MTAP: variants seen among roughly 807,000 people sequenced by gnomAD.
MTAP encodes methylthioadenosine phosphorylase.
A neutral mutation model predicts 33.6 loss-of-function variants in MTAP; 33 were observed. The ratio of observed to expected loss-of-function variants is 0.98; its 90% CI spans 0.74 to 1.31. The LOEUF is 1.31. MTAP is among the 40% of genes most tolerant of loss of function. The pLI, the probability that MTAP is intolerant of heterozygous loss-of-function variation, is 0.00. For synonymous variants in MTAP, 148 were observed against 125.7 expected (o/e 1.18, Z -1.19); for missense variants, 367 against 360.0 (o/e 1.02, Z -0.16).
intron 1 of MTAP, chr9:21,930,362 C>CAATCAGTTT (rs988284440): frequency 2.2e-4 from 46 of 205,490 alleles, no homozygotes; most frequent in Admixed American, 3.8e-4. Context: ...TGTTTGTGGC[C>CAATCAGTTT]AATCAGTTTA....
chr9:21,859,129 T>C, intron 6 of MTAP, 174 bp from the exon 7 acceptor site: 1 of 776,712 alleles, frequency 1.3e-6, no homozygotes. Flanking sequence ...ATGACCTAAT[T>C]GCCTCCCAAA....
chr9:21,839,609 G>A (rs1825193931), intron 5 of MTAP, among the ~76,000 whole-genome samples: 1 of 152,130 alleles, frequency 6.6e-6, no homozygotes, highest in South Asian at 2.1e-4. Context: ...TACTGGGAAA[G>A]GCAATTTAAG....
intron 1 of MTAP, among the ~76,000 whole-genome samples, chr9:21,809,229 C>G (rs1209240907): frequency 1.3e-5 from 2 of 152,096 alleles, no homozygotes; most frequent in African/African-American, 4.8e-5. Flanking sequence ...TCTCAAGATC[C>G]TGGATTTAAT....
At chr9:21,827,166 G>A (rs962144934) in intron 4 of MTAP, among the ~76,000 whole-genome samples, 1 of 152,184 alleles carries the variant, frequency 6.6e-6, no homozygotes, top group Non-Finnish European at 1.5e-5. Flanking sequence ...TGCTCTGGGT[G>A]AAGACAGGAG....
chr9:21,876,923 G>T (rs935209596), intron 1 of MTAP, among the ~76,000 whole-genome samples: 1 of 152,054 alleles, frequency 6.6e-6, no homozygotes, highest in Non-Finnish European at 1.5e-5. Context: ...GATAGGAATA[G>T]CATTCGACCT....
chr9:21,874,794 A>T (rs1825982232), intron 1 of MTAP, among the ~76,000 whole-genome samples: 1 of 151,482 alleles, frequency 6.6e-6, no homozygotes, highest in Admixed American at 6.6e-5. Context: ...GTTTGCTGTA[A>T]CCATCAACCC....
rs929271025 is a variant in MTAP at position 21,841,941 on chromosome 9, G to T, written c.450+3931G>T. On this transcript the variant is annotated intron_variant, in intron 5 of 7. Coordinates refer to ENST00000644715, the MANE Select transcript of MTAP (RefSeq NM_002451.4). The stretch of plus-strand genomic sequence containing the variant: ...CAAACCAAGAGGAAATCTCTGAATT[G>T]CCAGATAAGGAATTCAGAAGATTGG... 2.6e-5 allele frequency among the ~76,000 whole-genome samples: 4 copies of T among 152,288 alleles called. No individual in the cohort carries two copies. The East Asian group carries it at 7.7e-4, about 29-fold the overall frequency.
intron 1 of MTAP, among the ~76,000 whole-genome samples, chr9:21,883,263 CA>C (rs1818046733): frequency 6.6e-6 from 1 of 151,984 alleles, no homozygotes; most frequent in Non-Finnish European, 1.5e-5. Flanking sequence ...CATGGTGAAT[CA>C]CTATATGAAT....
rs187237788 is a variant in MTAP at position 21,897,094 on chromosome 9, G to A, written c.148-33914G>A. Among the ~76,000 whole-genome samples, 616 of 152,208 alleles carry A rather than the reference G, an allele frequency of 4.0e-3. 3 individuals are homozygous for A. Among genetic ancestry groups the A allele is most frequent in the Admixed American group, 7.6e-3 (116 of 15,294 alleles). The stretch of plus-strand genomic sequence containing the variant: ...GTTCAACATATGCAAATCAATAAAC[G>A]TAATCCATTATATAAACAGAACCAA... On this transcript the variant is annotated intron_variant, in intron 1 of 1. Coordinates refer to the MTAP transcript ENST00000577563.
chr9:21,816,401 C>T (rs1019228297), intron 2 of MTAP, among the ~76,000 whole-genome samples: 1 of 152,074 alleles, frequency 6.6e-6, no homozygotes, highest in Non-Finnish European at 1.5e-5. Flanking sequence ...TCAAACCTGC[C>T]CAATAACCTT....
intron 6 of MTAP, chr9:21,856,166 TGCA>T: frequency 1.0e-6 from 1 of 985,436 alleles, no homozygotes; most frequent in Non-Finnish European, 1.2e-6. Flanking sequence ...ACGACAAAAC[TGCA>T]GTCACTTTTG....
chr9:21,882,233 A>C (rs1317668721), intron 1 of MTAP, among the ~76,000 whole-genome samples: 25 of 151,948 alleles, frequency 1.6e-4, no homozygotes. Flanking sequence ...AACAACTGTA[A>C]AGGAAGGAAA....
intron 6 of MTAP, among the ~76,000 whole-genome samples, chr9:21,857,200 C>CAA: frequency 6.6e-6 from 1 of 152,104 alleles, no homozygotes; most frequent in Non-Finnish European, 1.5e-5. Flanking sequence ...GAAGGGAGGT[C>CAA]AGTGTCTATA....
At chr9:21,827,682 A>G (rs768077957) in intron 4 of MTAP, among the ~76,000 whole-genome samples, 31 of 152,314 alleles carry the variant, frequency 2.0e-4, no homozygotes, top group South Asian at 2.1e-4. Context: ...CCATATCACC[A>G]ACACCCACAA....
At chr9:21,915,418 A>T (rs1241629758) in intron 1 of MTAP, among the ~76,000 whole-genome samples, 1 of 151,894 alleles carries the variant, frequency 6.6e-6, no homozygotes, top group African/African-American at 2.4e-5. Context: ...TGGCTGAATG[A>T]TATTTCATTT....
intron 6 of MTAP, chr9:21,856,262 C>A: frequency 2.6e-6 from 2 of 761,044 alleles, no homozygotes; most frequent in Non-Finnish European, 1.6e-6. Flanking sequence ...ATTGTACCAC[C>A]GTTTTAGAGA....
chr9:21,915,731 T>A (rs550843629), intron 1 of MTAP, among the ~76,000 whole-genome samples: 4 of 152,098 alleles, frequency 2.6e-5, no homozygotes, highest in Non-Finnish European at 4.4e-5. Flanking sequence ...AGATAACAAT[T>A]TTTTAAAAAG....
At position 21,865,904 on chromosome 9, in the gene MTAP, C is replaced by A. The variant is rs1825846349; in HGVS notation, c.*3890C>A. Reference sequence around the variant, plus strand: ...TCTTACAATTTGATTATCTATTCACCTGTTGATGAATGTTTGAATTTTTTC... The same window carrying A: ...TCTTACAATTTGATTATCTATTCACATGTTGATGAATGTTTGAATTTTTTC... On this transcript the variant is annotated 3_prime_UTR_variant, in exon 8 of 8. Transcript: ENST00000644715. 3.3e-6 allele frequency: 2 copies of A among 600,984 alleles called. No homozygotes were observed. The highest frequency in any genetic ancestry group is 4.2e-6 in the Non-Finnish European group (2 of 478,278). 37.2% of individuals were successfully genotyped at this position (600,984 alleles called of 1,614,324 possible).
chr9:21,806,520 A>AC (rs1416080827), intron 1 of MTAP, among the ~76,000 whole-genome samples: 3 of 152,066 alleles, frequency 2.0e-5, no homozygotes, highest in African/African-American at 7.2e-5. Context: ...GTAGGAGCAG[A>AC]GTGGGTGGCA....
Sources: allele counts gnomAD v4.1 joint callset (sites outside exome capture counted in the v4.1 genomes callset), GRCh38; gene constraint gnomAD v4.1.1; transcripts MANE v1.5; gene names NCBI Gene and HGNC (gene_info 2026-07-23, HGNC 2026-07-21).